The following PRKCZ variants were observed in gnomAD, a reference collection of about 807,000 sequenced individuals.
PRKCZ encodes protein kinase C zeta.
Under a neutral mutation model 79.5 loss-of-function variants are expected in PRKCZ, and 33 were observed. The ratio of observed to expected loss-of-function variants is 0.41; its 90% CI spans 0.31 to 0.55. PRKCZ has a LOEUF of 0.55. PRKCZ is among the 20% of genes least tolerant of loss of function. The pLI is 0.19. For missense variants in PRKCZ, 578 were observed against 813.5 expected (o/e 0.71, Z 3.52); for synonymous variants, 342 against 320.9 (o/e 1.07, Z -0.70).
chr1:2,134,272 T>G (rs1051157128), intron 4 of PRKCZ, among the ~76,000 whole-genome samples: 1 of 152,248 alleles, frequency 6.6e-6, no homozygotes, highest in Non-Finnish European at 1.5e-5. Context: ...GTGGCCTGAT[T>G]TCAGCAGTTT....
At chr1:2,099,904 G>A (rs890638528) in intron 4 of PRKCZ, among the ~76,000 whole-genome samples, 5 of 152,330 alleles carry the variant, frequency 3.3e-5, no homozygotes, top group Admixed American at 6.5e-5. Context: ...GTGAGAAACT[G>A]ATGCCTCTGT....
intron 10 of PRKCZ, among the ~76,000 whole-genome samples, chr1:2,157,038 C>G (rs1681196388): frequency 6.6e-6 from 1 of 152,248 alleles, no homozygotes; most frequent in Admixed American, 6.5e-5. Flanking sequence ...GCCAGTGGCA[C>G]AGCTTGAAGG....
At chr1:2,056,729 CTTTTT>C (rs1213314980) in intron 3 of PRKCZ, among the ~76,000 whole-genome samples, 156 bp downstream of exon 3, 1 of 136,778 alleles carries the variant, frequency 7.3e-6, no homozygotes, top group South Asian at 2.3e-4. Context: ...TTTTCTTTGA[CTTTTT>C]TTTTTTTTTT....
chr1:2,099,722 G>T (rs1244152708), intron 4 of PRKCZ, among the ~76,000 whole-genome samples: 2 of 152,216 alleles, frequency 1.3e-5, no homozygotes, highest in African/African-American at 2.4e-5. Context: ...GGCCCCTCGG[G>T]AGCCCCTGGC....
intron 4 of PRKCZ, among the ~76,000 whole-genome samples, chr1:2,076,929 AG>A (rs965176791): frequency 3.3e-5 from 5 of 152,150 alleles, no homozygotes; most frequent in African/African-American, 7.2e-5. Context: ...GAACACGCGA[AG>A]GAGGGCACCC....
At chr1:2,138,725 A>T (rs901574002) in intron 5 of PRKCZ, among the ~76,000 whole-genome samples, 1 of 152,126 alleles carries the variant, frequency 6.6e-6, no homozygotes, top group Non-Finnish European at 1.5e-5. Flanking sequence ...GCTTGAGGCC[A>T]GGAGTTCAAG....
intron 5 of PRKCZ, among the ~76,000 whole-genome samples, chr1:2,138,699 G>A (rs1364103113): frequency 6.6e-6 from 1 of 152,180 alleles, no homozygotes; most frequent in Non-Finnish European, 1.5e-5. Flanking sequence ...ACTTTGGGAG[G>A]CCGAGATGGG....
At chr1:2,142,484 A>G (rs1270927250) in intron 5 of PRKCZ, 2 of 283,904 alleles carry the variant, frequency 7.0e-6, no homozygotes, top group African/African-American at 4.6e-5. Context: ...TCCAGGGTCC[A>G]CACATCCAGC....
At chr1:2,103,616 G>A (rs979118542) in intron 4 of PRKCZ, among the ~76,000 whole-genome samples, 5 of 152,204 alleles carry the variant, frequency 3.3e-5, no homozygotes, top group African/African-American at 9.6e-5. Flanking sequence ...GCACGGTGGC[G>A]CGTGTCTGTA....
At chr1:2,170,237 C>A (rs1244031868) in intron 11 of PRKCZ, among the ~76,000 whole-genome samples, 1 of 152,166 alleles carries the variant, frequency 6.6e-6, no homozygotes, top group Non-Finnish European at 1.5e-5. Context: ...TTCGGGCCTC[C>A]CCTGGCAGCC....
intron 4 of PRKCZ, among the ~76,000 whole-genome samples, chr1:2,078,310 T>A (rs908049230): frequency 1.3e-5 from 2 of 152,254 alleles, no homozygotes; most frequent in Admixed American, 6.5e-5. Flanking sequence ...AAAATGCTTT[T>A]CCTCCAGCCA....
intron 4 of PRKCZ, among the ~76,000 whole-genome samples, chr1:2,071,720 G>A (rs1027068768): frequency 3.9e-5 from 6 of 152,318 alleles, no homozygotes; most frequent in Admixed American, 6.5e-5. Context: ...CTGCTGAGCC[G>A]GCCGTCTGTG....
intron 4 of PRKCZ, among the ~76,000 whole-genome samples, chr1:2,130,635 C>T (rs1176021760): frequency 2.0e-5 from 3 of 151,990 alleles, no homozygotes; most frequent in Non-Finnish European, 4.4e-5. Flanking sequence ...GAGCCACAGC[C>T]GCAGCACTGC....
chr1:2,085,350 C>T (rs1232245902), intron 4 of PRKCZ, among the ~76,000 whole-genome samples: 2 of 152,240 alleles, frequency 1.3e-5, no homozygotes, highest in African/African-American at 2.4e-5. Flanking sequence ...CCTGTGTTAC[C>T]GGATCTTCAG....
intron 4 of PRKCZ, among the ~76,000 whole-genome samples, chr1:2,108,800 TG>T (rs1669124173): frequency 6.6e-6 from 1 of 152,332 alleles, no homozygotes; most frequent in Admixed American, 6.5e-5. Flanking sequence ...TGGCCGCCAC[TG>T]GGGGGCTTAA....
chr1:2,063,748 C>T (rs1660894300), intron 4 of PRKCZ, among the ~76,000 whole-genome samples: 1 of 151,968 alleles, frequency 6.6e-6, no homozygotes. Context: ...TTGACAGTAT[C>T]TTATGGGCGT....
intron 4 of PRKCZ, among the ~76,000 whole-genome samples, chr1:2,103,087 C>T (rs931746710): frequency 2.8e-4 from 42 of 152,134 alleles, no homozygotes; most frequent in Admixed American, 2.6e-3. Context: ...CCAGGCTGGT[C>T]TGGAATGCCC....
rs1675909157 is a variant in PRKCZ at position 2,135,112 on chromosome 1, C to T, written c.335-150C>T. ...GTGAGGAGGGGCAGAGAGAGGCCTC[C>T]GGGAGGCCGTCATTCCAGCCCTGCC... On this transcript the variant is annotated intron_variant, in intron 4 of 17. Coordinates refer to ENST00000378567, the MANE Select transcript of PRKCZ (RefSeq NM_002744.6). The T allele has an allele frequency of 9.8e-6, 6 of 612,066 alleles. No individual in the cohort carries two copies. The East Asian group carries it at 1.2e-4, about 12-fold the overall frequency. The allele number at this position is 612,066 out of a possible 1,614,324, so 37.9% of individuals were successfully genotyped here.
intron 1 of PRKCZ, among the ~76,000 whole-genome samples, chr1:2,052,835 G>A (rs374736111): frequency 3.3e-5 from 5 of 152,314 alleles, no homozygotes; most frequent in South Asian, 2.1e-4. Context: ...GCGTGGACAC[G>A]TGGAAGACTA....
Sources: gnomAD v4.1 joint callset for allele counts (sites outside exome capture counted in the v4.1 genomes callset) on GRCh38, gnomAD v4.1.1 for gene constraint, MANE v1.5 for transcripts, NCBI Gene and HGNC (gene_info 2026-07-23, HGNC 2026-07-21) for gene names.